Variants in CAMK2G observed in about 807,000 individuals in gnomAD.
CAMK2G encodes calcium/calmodulin-dependent protein kinase type II subunit gamma.
In CAMK2G, 23 loss-of-function variants were observed where a neutral mutation model predicts 88.7. The ratio of observed to expected loss-of-function variants is 0.26; its 90% CI spans 0.19 to 0.37. The LOEUF (loss-of-function observed/expected upper bound fraction) is 0.37, where lower values mean the gene tolerates loss of function less well. Among genes scored for constraint, CAMK2G ranks in the 10% least tolerant of loss-of-function variants. The pLI, the probability that CAMK2G is intolerant of heterozygous loss-of-function variation, is 1.00. For missense variants in CAMK2G, 476 were observed against 780.8 expected (o/e 0.61, Z 4.65); for synonymous variants, 263 against 294.8 (o/e 0.89, Z 1.11).
chr10:73,816,610 C>A, intron 21 of CAMK2G: 1 of 597,042 alleles, frequency 1.7e-6, no homozygotes, highest in Non-Finnish European at 2.5e-6. Context: ...ACAGGCACCG[C>A]CACCACGCCC....
In CAMK2G at chr10:73,816,835, G is replaced by A. The variant is rs141179741; in HGVS notation, c.1534+188C>T. ...AGAATGAATGGCACTTGGAGCTCAG[G>A]AGCAGGGCCTTCAAAGGTGCCTGTC... On this transcript the variant is annotated intron_variant, in intron 21 of 22. Transcript: ENST00000423381. 762 of 1,564,524 alleles carry A rather than the reference G, an allele frequency of 4.9e-4. 5 individuals carry two copies. In the African/African-American group the frequency reaches 9.4e-3, roughly 19 times the overall value.
rs146275566 is a variant in CAMK2G at position 73,846,092 on chromosome 10, C to G, written c.819+1133G>C. On this transcript the variant is annotated intron_variant, in intron 10 of 22. Coordinates refer to ENST00000423381, the MANE Select transcript of CAMK2G (RefSeq NM_001367534.1). Reference sequence around the variant, plus strand: ...GCCACCATGCCTGGCAATTCATTTCCTCACAACTTCCAAAGTGTTCTTAAA... The same window carrying G: ...GCCACCATGCCTGGCAATTCATTTCGTCACAACTTCCAAAGTGTTCTTAAA... 1.9e-3 allele frequency among the ~76,000 whole-genome samples: 286 copies of G among 152,186 alleles called. 1 individual carries two copies. Among genetic ancestry groups the G allele is most frequent in the African/African-American group, 6.4e-3 (267 of 41,538 alleles).
chr10:73,833,909 GTTTTTT>G (rs778838628), intron 14 of CAMK2G, among the ~76,000 whole-genome samples: 48 of 63,408 alleles, frequency 7.6e-4, no homozygotes, highest in Non-Finnish European at 8.8e-4. Context: ...TATCTACTGG[GTTTTTT>G]TTTTTTTTTT....
At chr10:73,852,398 C>A in intron 4 of CAMK2G, 79 bp from the exon 5 acceptor site, 3 of 1,172,784 alleles carry the variant, frequency 2.6e-6, no homozygotes, top group Non-Finnish European at 3.8e-6. Context: ...GAAACAGGGT[C>A]ACCCTGTAGA....
intron 19 of CAMK2G, chr10:73,818,192 G>A (rs983113604): frequency 5.8e-6 from 1 of 171,970 alleles, no homozygotes; most frequent in Non-Finnish European, 1.3e-5. Context: ...CTGTACCAGA[G>A]AGGCTGCTCC....
In CAMK2G at chr10:73,813,474, A is replaced by C. The variant is rs1331252567; in HGVS notation, c.*1044T>G. On this transcript the variant is annotated 3_prime_UTR_variant, in exon 23 of 23. Transcript: ENST00000423381. Reference sequence around the variant, plus strand: ...AGAAACGACCACCACCTCTTCTCCCACTGCCTCACTCCTCCCATCCCACAG... The same window carrying C: ...AGAAACGACCACCACCTCTTCTCCCCCTGCCTCACTCCTCCCATCCCACAG... 6.5e-6 allele frequency: 1 copy of C among 152,684 alleles called. No homozygotes were observed. The allele number at this position is 152,684 out of a possible 1,614,324, so 9.5% of individuals were successfully genotyped here.
chr10:73,860,864 A>C lies in CAMK2G; in HGVS notation c.186T>G (p.Ala62=). 6 of 1,613,962 alleles carry C rather than the reference A, an allele frequency of 3.7e-6. No homozygotes were observed. Among genetic ancestry groups the C allele is most frequent in the Non-Finnish European group, 5.1e-6 (6 of 1,179,786 alleles). Residue 62 remains alanine, a synonymous_variant, in exon 3 of 23, where the codon GCT becomes GCG. Coordinates refer to ENST00000423381, the MANE Select transcript of CAMK2G (RefSeq NM_001367534.1). Reference sequence around the variant, plus strand: ...GATGTTTCAGAAGTCGACATATCCGAGCCTCACGTTCTAGTTTCTGGTGAT... The same window carrying C: ...GATGTTTCAGAAGTCGACATATCCGCGCCTCACGTTCTAGTTTCTGGTGAT... The part of the protein sequence containing the change: ...ARDHQKLERE[A]RICRLLKHPN...
intron 19 of CAMK2G, chr10:73,817,781 AT>A: frequency 3.5e-6 from 2 of 567,046 alleles, no homozygotes; most frequent in South Asian, 4.6e-5. Flanking sequence ...GCCATTAGTT[AT>A]GGTTCTTTGG....
In CAMK2G at chr10:73,848,169, T is replaced by G. The variant is rs1451563936; in HGVS notation, c.602-87A>C. 13 of 819,968 alleles carry G rather than the reference T, an allele frequency of 1.6e-5. No individual in the cohort carries two copies. In the East Asian group the frequency reaches 2.2e-4, roughly 14 times the overall value. 50.8% of individuals were successfully genotyped at this position (819,968 alleles called of 1,614,324 possible). Reference sequence around the variant, plus strand: ...AAACCATGCAGGGCTCAGAGCCACCTAGAAAGGCAGGGGCCATACCAGAGT... The same window carrying G: ...AAACCATGCAGGGCTCAGAGCCACCGAGAAAGGCAGGGGCCATACCAGAGT... On this transcript the variant is annotated intron_variant, in intron 8 of 22. Transcript: ENST00000423381. This position sits in a 1 kb window ranked among gnomAD's most constrained non-coding sequence, Gnocchi z 4.5.
In CAMK2G at chr10:73,853,185, C is replaced by A; in HGVS notation, c.275+7G>T. 6.2e-7 allele frequency: 1 copy of A among 1,613,660 alleles called. No individual in the cohort carries two copies. Among genetic ancestry groups the A allele is most frequent in the Non-Finnish European group, 8.5e-7 (1 of 1,179,506 alleles). On this transcript the variant is annotated splice_region_variant and intron_variant, in intron 4 of 22. Coordinates refer to ENST00000423381, the MANE Select transcript of CAMK2G (RefSeq NM_001367534.1). ...AGGCCCCCACACCCTCAGAAAGTGG[C>A]ACTTACAGGTCAAACACGAGGTAGT...
intron 3 of CAMK2G, among the ~76,000 whole-genome samples, chr10:73,859,122 T>G (rs1158799080): frequency 6.6e-6 from 1 of 152,252 alleles, no homozygotes; most frequent in African/African-American, 2.4e-5. Flanking sequence ...AATGCTTCTG[T>G]GCTTATGGGT....
At chr10:73,846,217 T>A (rs954680313) in intron 10 of CAMK2G, 1 of 152,242 alleles carries the variant, frequency 6.6e-6, no homozygotes, top group African/African-American at 2.4e-5. Flanking sequence ...AGGGAATCTT[T>A]TGCCCCATTC....
chr10:73,824,037 C>T lies in CAMK2G; in HGVS notation c.1200+3G>A, dbSNP rs776914229. ...GCAGGAGGCAGGCTCAGGAGCCACT[C>T]ACCTTGATCCCATCTGTAGCGTTGT... On this transcript the variant is annotated splice_donor_region_variant and intron_variant, in intron 17 of 22. Coordinates refer to ENST00000423381, the MANE Select transcript of CAMK2G (RefSeq NM_001367534.1). 5 of 1,612,438 alleles carry T rather than the reference C, an allele frequency of 3.1e-6. No individual in the cohort carries two copies. Among genetic ancestry groups the T allele is most frequent in the African/African-American group, 1.3e-5 (1 of 74,898 alleles).
chr10:73,818,600 C>A, intron 19 of CAMK2G: 1 of 434,138 alleles, frequency 2.3e-6, no homozygotes, highest in South Asian at 1.7e-5. Context: ...ACAGTTGGGA[C>A]AGGGCAGCGC....
intron 1 of CAMK2G, among the ~76,000 whole-genome samples, 157 bp downstream of exon 1, chr10:73,874,240 G>T (rs1333271362): frequency 2.0e-5 from 3 of 148,636 alleles, no homozygotes; most frequent in Admixed American, 6.7e-5. Flanking sequence ...GGCAGTGCGC[G>T]GGGGGCGCGG....
chr10:73,865,750 G>A (rs930150571), intron 2 of CAMK2G, among the ~76,000 whole-genome samples: 3 of 152,290 alleles, frequency 2.0e-5, no homozygotes, highest in African/African-American at 7.2e-5. Context: ...TCAAGGTGCT[G>A]CAAAGGTGTC....
chr10:73,858,153 G>C (rs2095174524), intron 3 of CAMK2G, among the ~76,000 whole-genome samples: 1 of 152,158 alleles, frequency 6.6e-6, no homozygotes, highest in Admixed American at 6.5e-5. Flanking sequence ...AGCTATTAAG[G>C]GGAAACTGGG....
At position 73,839,918 on chromosome 10, in the gene CAMK2G, G is replaced by A. The variant is rs1051505383; in HGVS notation, c.947-317C>T. On this transcript the variant is annotated intron_variant, in intron 12 of 22. Transcript: ENST00000423381. The surrounding 1 kb of genome is among the most constrained non-coding windows in gnomAD (Gnocchi z 4.2). Reference sequence around the variant, plus strand: ...ATGCCTGAGCCGGTGAGAGGCAGGTGCCCCTTCTGAGGTAGCCCGGCCCTA... The same window carrying A: ...ATGCCTGAGCCGGTGAGAGGCAGGTACCCCTTCTGAGGTAGCCCGGCCCTA... Among the ~76,000 whole-genome samples, 2 of 152,194 alleles carry A rather than the reference G, an allele frequency of 1.3e-5. No individual in the cohort carries two copies. The highest frequency in any genetic ancestry group is 2.4e-5 in the African/African-American group (1 of 41,438).
Position 73,841,332 on chromosome 10 carries a change from C to G in CAMK2G, c.946+837G>C, listed in dbSNP as rs183806798. ...GGAAGGAGAAGGGGGGGTCTTGAAC[C>G]AAAACAGTGAGGCAAGGGGTTAGAG... On this transcript the variant is annotated intron_variant, in intron 12 of 22. Coordinates refer to ENST00000423381, the MANE Select transcript of CAMK2G (RefSeq NM_001367534.1). Among the ~76,000 whole-genome samples the G allele has an allele frequency of 3.8e-3, 572 of 152,144 alleles. 3 individuals carry two copies. Among genetic ancestry groups the G allele is most frequent in the Non-Finnish European group, 7.0e-3 (475 of 67,986 alleles).
Sources: allele counts gnomAD v4.1 joint callset (sites outside exome capture counted in the v4.1 genomes callset), GRCh38; gene constraint gnomAD v4.1.1; non-coding constraint Gnocchi (gnomAD v3.1); transcripts MANE v1.5; gene names NCBI Gene and HGNC (gene_info 2026-07-23, HGNC 2026-07-21).